NSMAF: variants seen among roughly 807,000 people sequenced by gnomAD.
The protein encoded by NSMAF is protein FAN.
Under a neutral mutation model 134.9 loss-of-function variants are expected in NSMAF, and 90 were observed. The observed-to-expected ratio is 0.67, with a 90% CI of 0.56 to 0.79. The LOEUF (loss-of-function observed/expected upper bound fraction) is 0.79. Ranked by LOEUF, NSMAF falls within the 30% of genes least tolerant of loss-of-function variation. The probability of loss-of-function intolerance (pLI) is 0.00; values close to 1 mark genes in which losing one functional copy is unlikely to be tolerated. For synonymous variants in NSMAF, 358 were observed against 389.6 expected (o/e 0.92, Z 0.96); for missense variants, 1,010 against 1,119.0 (o/e 0.90, Z 1.39).
intron 30 of NSMAF, 99 bp from the exon 31 acceptor site, chr8:58,584,299 TA>T: frequency 1.2e-6 from 1 of 820,518 alleles, no homozygotes; most frequent in Admixed American, 2.2e-5. Context: ...ATTCATTTAC[TA>T]AACAAGTGAA....
intron 1 of NSMAF, among the ~76,000 whole-genome samples, chr8:58,648,464 TAG>T (rs1192831198): frequency 2.6e-5 from 4 of 152,184 alleles, no homozygotes; most frequent in Non-Finnish European, 5.9e-5. Flanking sequence ...AATTGCATGC[TAG>T]AGAGATGAGC....
At chr8:58,640,003 T>C in intron 2 of NSMAF, 1 of 449,198 alleles carries the variant, frequency 2.2e-6, no homozygotes. Flanking sequence ...AGAGCTTTGT[T>C]CAGGCAAGAG....
chr8:58,606,918 G>A (rs985914254), intron 11 of NSMAF, among the ~76,000 whole-genome samples: 3 of 152,126 alleles, frequency 2.0e-5, no homozygotes, highest in Non-Finnish European at 4.4e-5. Flanking sequence ...CTTAATCAAT[G>A]TTAATTTCTT....
chr8:58,628,652 G>C (rs763458394), intron 6 of NSMAF, among the ~76,000 whole-genome samples: 1 of 152,072 alleles, frequency 6.6e-6, no homozygotes, highest in Admixed American at 6.6e-5. Context: ...ACACTTTCAT[G>C]TTGGTGTTTA....
chr8:58,600,621 CAAAAAAAAAAAAAAA>C (rs35209612), intron 16 of NSMAF, among the ~76,000 whole-genome samples: 1 of 44,682 alleles, frequency 2.2e-5, no homozygotes, highest in Non-Finnish European at 4.1e-5. Context: ...GACTCTGTCT[CAAAAAAAAAAAAAAA>C]AAAAAAAAAA....
chr8:58,591,711 T>C (rs1806027154), intron 23 of NSMAF, among the ~76,000 whole-genome samples: 1 of 152,060 alleles, frequency 6.6e-6, no homozygotes, highest in Non-Finnish European at 1.5e-5. Flanking sequence ...GGTCTCGAAC[T>C]CCTGGCTTCA....
intron 28 of NSMAF, 187 bp downstream of exon 28, chr8:58,586,271 T>C (rs777284047): frequency 2.2e-5 from 14 of 638,880 alleles, no homozygotes; most frequent in African/African-American, 5.5e-5. Flanking sequence ...CTTTTCTACC[T>C]GATACAAATG....
At chr8:58,649,892 G>T (rs1359742353) in intron 1 of NSMAF, among the ~76,000 whole-genome samples, 1 of 152,226 alleles carries the variant, frequency 6.6e-6, no homozygotes, top group South Asian at 2.1e-4. Flanking sequence ...GCAGCATGAC[G>T]TTCATGCTGG....
At chr8:58,619,391 G>A (rs923051083) in intron 9 of NSMAF, among the ~76,000 whole-genome samples, 3 of 152,122 alleles carry the variant, frequency 2.0e-5, no homozygotes, top group African/African-American at 4.8e-5. Context: ...TAGCAAAAGC[G>A]TAGCACATAA....
rs139025201 is a variant in NSMAF at position 58,657,936 on chromosome 8, G to C, written c.59+1637C>G. ...AAGCAGCATATACATGGAAATGCAA[G>C]TACAGGTTTCAAGGTTTGTGTGACA... On this transcript the variant is annotated intron_variant, in intron 1 of 30. Transcript: ENST00000038176. Among the ~76,000 whole-genome samples, 1,319 of 152,314 alleles carry C rather than the reference G, an allele frequency of 8.7e-3. 17 individuals carry two copies. Among genetic ancestry groups the C allele is most frequent in the Non-Finnish European group, 0.014 (967 of 68,020 alleles).
rs1781504320 is a variant in NSMAF, at chr8:58,595,450, T to G, written c.1892+110A>C. 3 of 715,952 alleles carry G rather than the reference T, an allele frequency of 4.2e-6. No homozygotes were observed. In the East Asian group the frequency reaches 8.1e-5, roughly 19 times the overall value. The allele number at this position is 715,952 out of a possible 1,614,324, so 44.3% of individuals were successfully genotyped here. On this transcript the variant is annotated intron_variant, in intron 22 of 30. Coordinates refer to ENST00000038176, the MANE Select transcript of NSMAF (RefSeq NM_003580.4). ...GAGATTTTTAAAAATAAAGACAACA[T>G]TGAAAGGGAATTTTCCCTCTGACTC...
chr8:58,587,194 C>T (rs1349175204), intron 27 of NSMAF, among the ~76,000 whole-genome samples: 1 of 152,192 alleles, frequency 6.6e-6, no homozygotes, highest in Admixed American at 6.5e-5. Context: ...ATGTACTTGA[C>T]CATCCCAGAC....
chr8:58,595,834 T>A, intron 21 of NSMAF, 175 bp from the exon 22 acceptor site: 1 of 541,120 alleles, frequency 1.8e-6, no homozygotes, highest in Middle Eastern at 4.8e-4. Flanking sequence ...AAGGAAAAAA[T>A]TGTATAGAGA....
At chr8:58,650,108 C>A (rs1807549976) in intron 1 of NSMAF, among the ~76,000 whole-genome samples, 1 of 152,196 alleles carries the variant, frequency 6.6e-6, no homozygotes, top group Non-Finnish European at 1.5e-5. Context: ...TTTGCATCTT[C>A]ACCCATCTTG....
At chr8:58,648,905 A>G (rs1241500804) in intron 1 of NSMAF, among the ~76,000 whole-genome samples, 1 of 152,264 alleles carries the variant, frequency 6.6e-6, no homozygotes, top group African/African-American at 2.4e-5. Flanking sequence ...CTACGACAGT[A>G]GTATGAAGGG....
At position 58,659,614 on chromosome 8, in the gene NSMAF, C is replaced by T. The variant is rs896675582; in HGVS notation, c.18G>A (p.Lys6=). The change falls in exon 1 of 31, where the codon AAG becomes AAA. Residue 6 remains lysine (K), a synonymous_variant. Transcript: ENST00000038176. ...GCTGCAGCTGCTGCTCCTGCTGCTT[C>T]TTCCGGATAAACGCCATGGAGGGTA... MAFIR[K]KQQEQQLQLY... 9.4e-6 allele frequency: 14 copies of T among 1,488,132 alleles called. No individual in the cohort carries two copies. The African/African-American group carries it at 1.6e-4, about 17-fold the overall frequency. 92.2% of individuals were successfully genotyped at this position (1,488,132 alleles called of 1,614,324 possible). A position where few individuals can be genotyped will look rare whatever the true frequency, so the allele number is the denominator to read the frequency against.
chr8:58,646,203 C>T (rs1243038370), intron 1 of NSMAF, among the ~76,000 whole-genome samples: 9 of 152,224 alleles, frequency 5.9e-5, no homozygotes, highest in Non-Finnish European at 1.0e-4. Flanking sequence ...ACAGGGTAAA[C>T]TGCCAGAGTG....
At chr8:58,647,502 CG>C (rs558619036) in intron 1 of NSMAF, among the ~76,000 whole-genome samples, 208 of 152,200 alleles carry the variant, frequency 1.4e-3, no homozygotes, top group Non-Finnish European at 2.4e-3. Context: ...TGATTCCCAA[CG>C]TTGAAGGTGG....
chr8:58,659,675 G>T lies in NSMAF; in HGVS notation c.-44C>A. 3.0e-6 allele frequency: 4 copies of T among 1,338,410 alleles called. No homozygotes were observed. The highest frequency in any genetic ancestry group is 4.0e-5 in the Admixed American group (1 of 24,786). 82.9% of individuals were successfully genotyped at this position (1,338,410 alleles called of 1,614,324 possible). ...GGCGCAGAGCGCACAGGCAGGCCCC[G>T]CCGCCGCCTGCCGAGGAGGTCCGGA... On this transcript the variant is annotated 5_prime_UTR_variant, in exon 1 of 31. Transcript: ENST00000038176.
Sources: gnomAD v4.1 joint callset for allele counts (sites outside exome capture counted in the v4.1 genomes callset) on GRCh38, gnomAD v4.1.1 for gene constraint, MANE v1.5 for transcripts, NCBI Gene and HGNC (gene_info 2026-07-23, HGNC 2026-07-21) for gene names.